The following P2RY8 variants were observed in gnomAD, a reference collection of about 807,000 sequenced individuals.
The protein encoded by P2RY8 is S-geranylgeranyl-glutathione receptor P2RY8.
P2RY8 carries 6 observed loss-of-function variants against 10.0 expected under a neutral mutation model. The ratio of observed to expected loss-of-function variants is 0.60; its 90% confidence interval spans 0.33 to 1.19. P2RY8 has a LOEUF of 1.19. Ranked by LOEUF, P2RY8 falls within the 50% of genes most tolerant of loss-of-function variation. The pLI, the probability that P2RY8 is intolerant of heterozygous loss-of-function variation, is 0.04. For synonymous variants in P2RY8, 276 were observed against 252.5 expected (o/e 1.09, Z -0.88); for missense variants, 456 against 542.0 (o/e 0.84, Z 1.58).
intron 1 of P2RY8, among the ~76,000 whole-genome samples, chrX:1,475,622 C>A (rs2091865613): frequency 6.7e-6 from 1 of 150,238 alleles, no homozygotes; most frequent in African/African-American, 2.4e-5. Flanking sequence ...GTCATCATAC[C>A]AAATAAAAGA....
intron 1 of P2RY8, among the ~76,000 whole-genome samples, chrX:1,482,397 C>A (rs1274441014): frequency 2.6e-5 from 4 of 151,840 alleles, no homozygotes; most frequent in African/African-American, 9.7e-5. Context: ...GCACTTCTGC[C>A]GTTACTGAGC....
intron 1 of P2RY8, among the ~76,000 whole-genome samples, chrX:1,514,972 C>A (rs776553668): frequency 6.8e-6 from 1 of 146,276 alleles, no homozygotes; most frequent in African/African-American, 2.5e-5. Context: ...GACACTACCT[C>A]AGCTCACTGT....
intron 1 of P2RY8, among the ~76,000 whole-genome samples, chrX:1,498,080 C>T (rs1335498579): frequency 1.3e-5 from 2 of 152,042 alleles, no homozygotes; most frequent in Non-Finnish European, 2.9e-5. Context: ...TCAAGCTGCT[C>T]CTGAACTTTA....
At chrX:1,498,877 C>G (rs1343798434) in intron 1 of P2RY8, among the ~76,000 whole-genome samples, 1 of 151,750 alleles carries the variant, frequency 6.6e-6, no homozygotes, top group Non-Finnish European at 1.5e-5. Context: ...TCTTGTCACC[C>G]AGGCTGGAGT....
chrX:1,475,466 G>C (rs1396231419), intron 1 of P2RY8, among the ~76,000 whole-genome samples: 8 of 152,156 alleles, frequency 5.3e-5, no homozygotes, highest in African/African-American at 1.9e-4. Flanking sequence ...TCAGACTTCT[G>C]GTCTCCAGGA....
intron 1 of P2RY8, among the ~76,000 whole-genome samples, chrX:1,525,171 T>C (rs1248385633): frequency 1.3e-5 from 2 of 152,190 alleles, no homozygotes; most frequent in Non-Finnish European, 2.9e-5. Flanking sequence ...AGGAGCTCAG[T>C]GTTTTGTGAA....
chrX:1,524,278 G>A (rs538796674), intron 1 of P2RY8, among the ~76,000 whole-genome samples: 2 of 151,856 alleles, frequency 1.3e-5, no homozygotes, highest in African/African-American at 4.8e-5. Context: ...TCTCTTCTGC[G>A]GATCCACTCA....
intron 1 of P2RY8, among the ~76,000 whole-genome samples, chrX:1,529,164 C>A (rs1243117209): frequency 2.0e-5 from 3 of 151,506 alleles, no homozygotes; most frequent in East Asian, 1.9e-4. Context: ...TGAGACCTGA[C>A]CTGCACAGGG....
At chrX:1,478,406 T>C (rs1279410662) in intron 1 of P2RY8, among the ~76,000 whole-genome samples, 6 of 152,092 alleles carry the variant, frequency 3.9e-5, no homozygotes. Context: ...CAGGTCCTTT[T>C]GGGAGGGAGG....
intron 1 of P2RY8, among the ~76,000 whole-genome samples, chrX:1,521,034 CTTTTTT>C (rs1163534557): frequency 1.6e-5 from 1 of 61,042 alleles, no homozygotes; most frequent in Non-Finnish European, 3.4e-5. Flanking sequence ...TTTTTCTTTT[CTTTTTT>C]TTTTTTTTTT....
At chrX:1,520,748 A>G (rs1267425098) in intron 1 of P2RY8, among the ~76,000 whole-genome samples, 3 of 151,794 alleles carry the variant, frequency 2.0e-5, no homozygotes, top group Admixed American at 2.0e-4. Context: ...GTCCTCAATC[A>G]TCTTCTTGTC....
At chrX:1,469,619 C>T (rs1279148540) in intron 1 of P2RY8, among the ~76,000 whole-genome samples, 17 of 152,076 alleles carry the variant, frequency 1.1e-4, no homozygotes, top group Admixed American at 9.2e-4. Context: ...CAGCCGGGCA[C>T]GGTGGCTCAC....
intron 1 of P2RY8, among the ~76,000 whole-genome samples, chrX:1,534,626 C>T (rs1214129536): frequency 6.6e-6 from 1 of 152,000 alleles, no homozygotes; most frequent in South Asian, 2.1e-4. Flanking sequence ...AGGTTGGGGA[C>T]CATGCCCAGA....
chrX:1,466,083 G>A lies in P2RY8; in HGVS notation c.476C>T (p.Ala159Val). 6 of 1,611,620 alleles carry A rather than the reference G, an allele frequency of 3.7e-6. No individual in the cohort carries two copies. The highest frequency in any genetic ancestry group is 4.2e-6 in the Non-Finnish European group (5 of 1,179,676). Residue 159 changes from alanine to valine, a missense_variant, in exon 2 of 2, where the codon GCG becomes GTG. Physicochemically the swap from Ala to Val is moderately conservative, Grantham distance 64. Coordinates refer to ENST00000381297, the MANE Select transcript of P2RY8 (RefSeq NM_178129.5). The part of the protein sequence containing the change: ...LLLLTALSPL[A>V]RTDLTYPVHA... ...CACCGGGTAGGTGAGATCGGTGCGC[G>A]CCAGCGGGGACAGGGCGGTCAGGAG... is the stretch of plus-strand genomic sequence containing the variant.
intron 1 of P2RY8, among the ~76,000 whole-genome samples, chrX:1,510,476 G>C (rs552888379): frequency 6.6e-6 from 1 of 152,210 alleles, no homozygotes; most frequent in South Asian, 2.1e-4. Flanking sequence ...AACTTTGATC[G>C]CACAAGAGAT....
At chrX:1,530,299 A>G (rs1276258668) in intron 1 of P2RY8, among the ~76,000 whole-genome samples, 1 of 150,486 alleles carries the variant, frequency 6.6e-6, no homozygotes, top group African/African-American at 2.5e-5. Context: ...CTATCTATCT[A>G]TCTATCTATC....
intron 1 of P2RY8, among the ~76,000 whole-genome samples, chrX:1,500,695 A>G (rs183810883): frequency 3.9e-5 from 6 of 151,908 alleles, no homozygotes; most frequent in African/African-American, 1.4e-4. Flanking sequence ...TGATCCTCCA[A>G]CCTAGCCCTC....
At chrX:1,494,688 A>AAT (rs1458060263) in intron 1 of P2RY8, among the ~76,000 whole-genome samples, 150 of 152,188 alleles carry the variant, frequency 9.9e-4, no homozygotes, top group Non-Finnish European at 1.9e-3. Context: ...AATTTTTAAA[A>AAT]ATATGTATGT....
At chrX:1,524,421 C>CCATG (rs2092416277) in intron 1 of P2RY8, among the ~76,000 whole-genome samples, 1 of 137,608 alleles carries the variant, frequency 7.3e-6, no homozygotes. Context: ...ATCCATCCAT[C>CCATG]CATCCATCCA....
Sources: gnomAD v4.1 joint callset for allele counts (sites outside exome capture counted in the v4.1 genomes callset) on GRCh38, gnomAD v4.1.1 for gene constraint, MANE v1.5 for transcripts, NCBI Gene and HGNC (gene_info 2026-07-23, HGNC 2026-07-21) for gene names.